The following RCOR1 variants were observed in gnomAD, a reference collection of about 807,000 sequenced individuals.
RCOR1 encodes REST corepressor 1, also known as REST corepressor.
Under a neutral mutation model 64.0 loss-of-function variants are expected in RCOR1, and 12 were observed. That is an observed-to-expected ratio of 0.19 (90% CI 0.12 to 0.30). The LOEUF is 0.30. RCOR1 is among the 10% of genes least tolerant of loss of function. The pLI is 1.00. For synonymous variants in RCOR1, 279 were observed against 227.2 expected, an observed-to-expected ratio of 1.23 and a Z score of -2.05; for missense variants, 502 against 621.2, an observed-to-expected ratio of 0.81 and a Z score of 2.04.
At position 102,708,628 on chromosome 14, in the gene RCOR1, C is replaced by CT. The variant is rs766613162; in HGVS notation, c.779+46dup. The CT allele has an allele frequency of 1.4e-5, 15 of 1,069,668 alleles. No homozygotes were observed. In the African/African-American group the frequency reaches 2.2e-4, roughly 16 times the overall value. The allele number at this position is 1,069,668 out of a possible 1,614,324, so 66.3% of individuals were successfully genotyped here. ...GTTGTCTAACCACTTAGGGGACTAT[C>CT]TAAGAGCCCCAGATACACAAAGGCA... On this transcript the variant is annotated intron_variant, in intron 6 of 11. Coordinates refer to ENST00000262241, the MANE Select transcript of RCOR1 (RefSeq NM_015156.4).
At chr14:102,711,085 T>C in intron 7 of RCOR1, 72 bp downstream of exon 7, 1 of 968,234 alleles carries the variant, frequency 1.0e-6, no homozygotes, top group Non-Finnish European at 1.6e-6. Flanking sequence ...ACATTCATGT[T>C]GCTTGTTCTA....
At chr14:102,658,139 T>C (rs1894763474) in intron 2 of RCOR1, among the ~76,000 whole-genome samples, 1 of 151,952 alleles carries the variant, frequency 6.6e-6, no homozygotes. Flanking sequence ...CACACCCAGC[T>C]AATTTTTGTA....
chr14:102,634,935 T>G (rs1022631909), intron 2 of RCOR1, among the ~76,000 whole-genome samples: 18 of 151,172 alleles, frequency 1.2e-4, no homozygotes, highest in Admixed American at 6.6e-5. Context: ...CTCAAACTCC[T>G]GACCTCAGGT....
At chr14:102,718,050 A>G (rs1343320619) in intron 8 of RCOR1, among the ~76,000 whole-genome samples, 9 of 152,208 alleles carry the variant, frequency 5.9e-5, no homozygotes, top group Non-Finnish European at 1.0e-4. Flanking sequence ...TCGACTAACA[A>G]CAGCTTAAAC....
chr14:102,688,736 C>G (rs1895470756), intron 3 of RCOR1, among the ~76,000 whole-genome samples: 1 of 152,156 alleles, frequency 6.6e-6, no homozygotes, highest in Non-Finnish European at 1.5e-5. Context: ...TGCACTGTTC[C>G]ATCATTTACT....
chr14:102,633,063 C>T (rs1414855526), intron 2 of RCOR1, among the ~76,000 whole-genome samples: 1 of 151,718 alleles, frequency 6.6e-6, no homozygotes, highest in African/African-American at 2.4e-5. Flanking sequence ...CCTGCCTCAG[C>T]ATCCCAAAAG....
In RCOR1 at chr14:102,727,961, T is replaced by A. The variant is rs1447194182; in HGVS notation, c.*1455T>A. The A allele has an allele frequency of 6.6e-6, 1 of 152,598 alleles. No homozygotes were observed. The highest frequency in any genetic ancestry group is 2.4e-5 in the African/African-American group (1 of 41,438). 9.5% of individuals were successfully genotyped at this position (152,598 alleles called of 1,614,324 possible). ...GTTGTTGTTGTTGTTGTTTGCATCA[T>A]TTGGATTTTTTTCCTGCTTTCAATA... On this transcript the variant is annotated 3_prime_UTR_variant, in exon 12 of 12. Coordinates refer to ENST00000262241, the MANE Select transcript of RCOR1 (RefSeq NM_015156.4).
At chr14:102,721,196 CATA>C (rs1327080763) in intron 9 of RCOR1, 112 bp downstream of exon 9, 19 of 1,090,660 alleles carry the variant, frequency 1.7e-5, no homozygotes, top group East Asian at 1.4e-4. Context: ...AGTATATGGA[CATA>C]ATTTTATGAA....
chr14:102,668,539 C>T (rs1023619967), intron 2 of RCOR1, among the ~76,000 whole-genome samples: 7 of 152,166 alleles, frequency 4.6e-5, no homozygotes, highest in African/African-American at 1.4e-4. Flanking sequence ...GTTTCTACCT[C>T]GGCTATCTGC....
At chr14:102,654,398 C>T (rs773102606) in intron 2 of RCOR1, among the ~76,000 whole-genome samples, 11 of 152,042 alleles carry the variant, frequency 7.2e-5, no homozygotes, top group Non-Finnish European at 1.5e-4. Flanking sequence ...AGGTAAAAGA[C>T]AAGATGTAGT....
chr14:102,678,709 C>T lies in RCOR1; in HGVS notation c.362-3186C>T, dbSNP rs1446705816. Among the ~76,000 whole-genome samples, 8 of 152,198 alleles carry T rather than the reference C, an allele frequency of 5.3e-5. No individual in the cohort carries two copies. In the East Asian group the frequency reaches 1.3e-3, roughly 26 times the overall value. On this transcript the variant is annotated intron_variant, in intron 2 of 11. Transcript: ENST00000262241. ...TATGTCTTTGTAAAAAACTGCAAAA[C>T]TTTCCCAGAATGGCTTTATAATTTT...
chr14:102,653,683 C>T (rs75741579), intron 2 of RCOR1, among the ~76,000 whole-genome samples: 3,552 of 151,952 alleles, frequency 0.023, 130 homozygotes, highest in African/African-American at 0.076. Context: ...AGTGAGCTCT[C>T]GGGCGATCGG....
At chr14:102,601,856 G>A (rs1461404712) in intron 2 of RCOR1, among the ~76,000 whole-genome samples, 2 of 152,112 alleles carry the variant, frequency 1.3e-5, no homozygotes, top group African/African-American at 2.4e-5. Flanking sequence ...CACACTCAAG[G>A]CTGTCAGAAT....
rs1018817609 is a variant in RCOR1, at chr14:102,728,559, C to T, written c.*2053C>T. The T allele has an allele frequency of 2.0e-5, 3 of 152,196 alleles. No homozygotes were observed. The highest frequency in any genetic ancestry group is 7.2e-5 in the African/African-American group (3 of 41,442). 9.4% of individuals were successfully genotyped at this position (152,196 alleles called of 1,614,324 possible). A position where few individuals can be genotyped will look rare whatever the true frequency, so the allele number is the denominator to read the frequency against. On this transcript the variant is annotated 3_prime_UTR_variant, in exon 12 of 12. Transcript: ENST00000262241. ...TAGGCAATTGCTGCAGTGCGTTTCT[C>T]ACCCTGCCAATAGGTCTGTCTGTAT...
chr14:102,595,268 A>C (rs1397152812), intron 2 of RCOR1, among the ~76,000 whole-genome samples: 3 of 152,334 alleles, frequency 2.0e-5, no homozygotes, highest in Admixed American at 2.0e-4. Context: ...TGGGGAGGCC[A>C]AGGCTGGAGG....
chr14:102,713,119 A>G (rs561832751), intron 7 of RCOR1, among the ~76,000 whole-genome samples: 2 of 150,334 alleles, frequency 1.3e-5, no homozygotes, highest in East Asian at 2.0e-4. Context: ...ATGCCTGGCT[A>G]ATTTTTGTAT....
Position 102,729,676 on chromosome 14 carries a change from C to T in RCOR1, c.*3170C>T, listed in dbSNP as rs1286429460. The T allele has an allele frequency of 5.1e-6, 2 of 395,074 alleles. No individual in the cohort carries two copies. Among genetic ancestry groups the T allele is most frequent in the Non-Finnish European group, 8.9e-6 (2 of 224,190 alleles). The allele number at this position is 395,074 out of a possible 1,614,324, so 24.5% of individuals were successfully genotyped here. ...AAGTTTCCTCAGATACCACAGACCA[C>T]TGTTAAGTGTGCTCATTGTCACTTT... On this transcript the variant is annotated 3_prime_UTR_variant, in exon 12 of 12. Transcript: ENST00000262241.
chr14:102,620,515 C>T (rs1007949556), intron 2 of RCOR1, among the ~76,000 whole-genome samples: 5 of 152,090 alleles, frequency 3.3e-5, no homozygotes, highest in Admixed American at 6.6e-5. Flanking sequence ...TGTGGTGAGC[C>T]GAGATCGTGC....
In RCOR1 at chr14:102,730,031, C is replaced by T; in HGVS notation, c.*3525C>T. The T allele has an allele frequency of 2.5e-6, 1 of 399,078 alleles. No homozygotes were observed. 24.7% of individuals were successfully genotyped at this position (399,078 alleles called of 1,614,324 possible). On this transcript the variant is annotated 3_prime_UTR_variant, in exon 12 of 12. Transcript: ENST00000262241. ...AATCTCTGCAGCTTCTCTTACCTGTCTTACCTGTAGTAAAGCACAATTGCA... is the reference window on the plus strand; with the variant it reads ...AATCTCTGCAGCTTCTCTTACCTGTTTTACCTGTAGTAAAGCACAATTGCA...
Sources: gnomAD v4.1 joint callset for allele counts (sites outside exome capture counted in the v4.1 genomes callset) on GRCh38, gnomAD v4.1.1 for gene constraint, MANE v1.5 for transcripts, NCBI Gene and HGNC (gene_info 2026-07-23, HGNC 2026-07-21) for gene names.